RNF150: variants seen among roughly 807,000 people sequenced by gnomAD.
RNF150 encodes ring finger protein 150.
Under a neutral mutation model 39.3 loss-of-function variants are expected in RNF150, and 24 were observed. That is an observed-to-expected ratio of 0.61 (90% CI 0.44 to 0.86). RNF150 has a LOEUF of 0.86. Among genes scored for constraint, RNF150 ranks in the 40% least tolerant of loss-of-function variants. RNF150 has a pLI of 0.00. For synonymous variants in RNF150, 255 were observed against 227.3 expected (o/e 1.12, Z -1.10); for missense variants, 502 against 587.8 (o/e 0.85, Z 1.51).
chr4:141,012,691 G>C (rs1735115588), intron 1 of RNF150, among the ~76,000 whole-genome samples: 2 of 141,300 alleles, frequency 1.4e-5, no homozygotes. Flanking sequence ...GCTGAGGCAG[G>C]AGAATCGCTT....
chr4:140,937,846 T>C (rs897430997), intron 4 of RNF150, among the ~76,000 whole-genome samples: 1 of 152,106 alleles, frequency 6.6e-6, no homozygotes, highest in African/African-American at 2.4e-5. Context: ...TAAAAACAGC[T>C]ATAAATAGAT....
At chr4:141,185,309 C>G (rs1727984672) in intron 1 of RNF150, among the ~76,000 whole-genome samples, 1 of 152,062 alleles carries the variant, frequency 6.6e-6, no homozygotes, top group Non-Finnish European at 1.5e-5. Context: ...TGGAAGTTCA[C>G]TCATGATTTG....
chr4:141,071,295 G>T (rs1439925581), intron 1 of RNF150, among the ~76,000 whole-genome samples: 2 of 150,468 alleles, frequency 1.3e-5, no homozygotes, highest in African/African-American at 4.9e-5. Flanking sequence ...TGACGAGTTG[G>T]TGGGTGCAGC....
chr4:141,120,307 G>A (rs1344193449), intron 1 of RNF150, among the ~76,000 whole-genome samples: 4 of 152,298 alleles, frequency 2.6e-5, no homozygotes, highest in South Asian at 2.1e-4. Context: ...GGTAAAGGGC[G>A]ATGATGACAG....
At chr4:141,175,117 G>C (rs1330397565) in intron 1 of RNF150, among the ~76,000 whole-genome samples, 4 of 152,164 alleles carry the variant, frequency 2.6e-5, no homozygotes, top group Non-Finnish European at 5.9e-5. Flanking sequence ...GAGAAAAAGG[G>C]AAAGGCAGAG....
At chr4:140,908,130 AGAGTT>A (rs1185107674) in intron 6 of RNF150, among the ~76,000 whole-genome samples, 8 of 152,268 alleles carry the variant, frequency 5.3e-5, no homozygotes, top group African/African-American at 1.4e-4. Flanking sequence ...GAATAGCATT[AGAGTT>A]GAGTATAATA....
intron 1 of RNF150, among the ~76,000 whole-genome samples, chr4:141,032,864 T>C (rs867074807): frequency 3.9e-5 from 6 of 152,222 alleles, no homozygotes; most frequent in African/African-American, 1.2e-4. Context: ...AAAAGCAATG[T>C]ACATACCTTA....
chr4:141,106,776 A>G (rs1739223685), intron 1 of RNF150, among the ~76,000 whole-genome samples: 1 of 152,064 alleles, frequency 6.6e-6, no homozygotes. Flanking sequence ...TGTGGGTGAA[A>G]AGAGCGAAAT....
At chr4:140,911,744 T>A (rs539053130) in intron 5 of RNF150, among the ~76,000 whole-genome samples, 1 of 152,300 alleles carries the variant, frequency 6.6e-6, no homozygotes, top group African/African-American at 2.4e-5. Flanking sequence ...GGTAGCCTGA[T>A]CATTATCCCT....
At chr4:140,987,003 G>C (rs1283457825) in intron 1 of RNF150, among the ~76,000 whole-genome samples, 1 of 152,008 alleles carries the variant, frequency 6.6e-6, no homozygotes, top group Non-Finnish European at 1.5e-5. Flanking sequence ...GCCAAATCAA[G>C]AATGCAATCC....
intron 6 of RNF150, among the ~76,000 whole-genome samples, chr4:140,897,241 A>T (rs1419072866): frequency 6.6e-6 from 1 of 152,216 alleles, no homozygotes; most frequent in Admixed American, 6.5e-5. Context: ...TTAATATGAG[A>T]AAATTTCAAG....
intron 1 of RNF150, among the ~76,000 whole-genome samples, chr4:141,090,963 C>T (rs928731334): frequency 8.5e-5 from 13 of 152,198 alleles, no homozygotes; most frequent in Admixed American, 8.5e-4. Flanking sequence ...TTCAGATAAC[C>T]TTTCAGATGG....
chr4:141,205,320 A>G (rs1728356730), intron 1 of RNF150, among the ~76,000 whole-genome samples: 1 of 152,186 alleles, frequency 6.6e-6, no homozygotes, highest in Non-Finnish European at 1.5e-5. Context: ...TGAGGACCTA[A>G]GATGATAAAA....
chr4:141,128,907 T>G (rs1397547190), intron 1 of RNF150, among the ~76,000 whole-genome samples: 1 of 152,126 alleles, frequency 6.6e-6, no homozygotes, highest in Non-Finnish European at 1.5e-5. Flanking sequence ...AATGAAAATT[T>G]AAAACAAAAT....
intron 1 of RNF150, among the ~76,000 whole-genome samples, chr4:141,070,261 C>A (rs1737639322): frequency 2.6e-5 from 4 of 152,126 alleles, no homozygotes; most frequent in Admixed American, 2.6e-4. Flanking sequence ...AACATTAGAC[C>A]TAAAACCATA....
intron 1 of RNF150, among the ~76,000 whole-genome samples, chr4:141,196,300 C>A (rs920039): frequency 0.62 from 93,518 of 152,050 alleles, 31,314 homozygotes; most frequent in African/African-American, 0.88. Flanking sequence ...ACTGTTGGTC[C>A]AGTTTTCCTG....
At chr4:140,978,564 G>T (rs1443829619) in intron 1 of RNF150, among the ~76,000 whole-genome samples, 1 of 151,994 alleles carries the variant, frequency 6.6e-6, no homozygotes, top group African/African-American at 2.4e-5. Flanking sequence ...TGTAGAATAA[G>T]AATTATTGAA....
chr4:140,932,920 C>T (rs1731708323), intron 4 of RNF150, among the ~76,000 whole-genome samples: 1 of 152,216 alleles, frequency 6.6e-6, no homozygotes, highest in African/African-American at 2.4e-5. Flanking sequence ...ATACCCTCTG[C>T]TGACACACAG....
chr4:140,888,694 C>A (rs1049809850), intron 6 of RNF150, among the ~76,000 whole-genome samples: 1 of 152,162 alleles, frequency 6.6e-6, no homozygotes, highest in African/African-American at 2.4e-5. Context: ...AGATGGAAAC[C>A]ACAGCTCATG....
Sources: gnomAD v4.1 joint callset for allele counts (sites outside exome capture counted in the v4.1 genomes callset) on GRCh38, gnomAD v4.1.1 for gene constraint, MANE v1.5 for transcripts, NCBI Gene and HGNC (gene_info 2026-07-23, HGNC 2026-07-21) for gene names.